HEATR4: variants seen among roughly 807,000 people sequenced by gnomAD.
HEATR4 encodes HEAT repeat-containing protein 4.
A neutral mutation model predicts 108.8 loss-of-function variants in HEATR4; 95 were observed. That is an observed-to-expected ratio of 0.87 (90% CI 0.74 to 1.04). HEATR4 has a LOEUF of 1.04. HEATR4 is among the 50% of genes least tolerant of loss of function. The pLI is 0.00. For missense variants in HEATR4, 1,152 were observed against 1,253.8 expected (o/e 0.92, Z 1.23); for synonymous variants, 443 against 459.4 (o/e 0.96, Z 0.46).
At chr14:73,560,354 C>G (rs955240709), upstream of HEATR4, among the ~76,000 whole-genome samples, 2 of 151,998 alleles carry the variant, frequency 1.3e-5, no homozygotes, top group African/African-American at 2.4e-5. Flanking sequence ...GCAGAGGGTA[C>G]GTTTTCTGTT....
At chr14:73,498,413 T>C (rs905335628) in intron 13 of HEATR4, 69 bp from the exon 14 acceptor site, 11 of 1,405,544 alleles carry the variant, frequency 7.8e-6, no homozygotes, top group African/African-American at 2.9e-5. Flanking sequence ...CAGAAATAAA[T>C]TGAGTTTTGC....
Position 73,542,961 on chromosome 14 carries a change from G to A in HEATR4, c.-151-12717C>T. On this transcript the variant is annotated intron_variant, in intron 1 of 17. Coordinates refer to ENST00000553558, the MANE Select transcript of HEATR4 (RefSeq NM_001220484.1). The stretch of plus-strand genomic sequence containing the variant: ...TGGTAGAACCCAGATTCAGACTCAG[G>A]TTCAACTAACTTCCAGGGTGGGCAC... 2.5e-6 allele frequency: 3 copies of A among 1,192,850 alleles called. 1 individual carries two copies. Among genetic ancestry groups the A allele is most frequent in the Non-Finnish European group, 3.3e-6 (3 of 899,040 alleles). The allele number at this position is 1,192,850 out of a possible 1,614,324, so 73.9% of individuals were successfully genotyped here. A position where few individuals can be genotyped will look rare whatever the true frequency, so the allele number is the denominator to read the frequency against.
chr14:73,516,929 C>T (rs1294118417), intron 5 of HEATR4, among the ~76,000 whole-genome samples: 4 of 152,306 alleles, frequency 2.6e-5, no homozygotes, highest in Non-Finnish European at 2.9e-5. Context: ...TCCACGAAAC[C>T]GGTCCCTGGT....
chr14:73,561,827 A>T (rs1009053680), upstream of HEATR4, among the ~76,000 whole-genome samples: 6 of 151,916 alleles, frequency 3.9e-5, no homozygotes, highest in Non-Finnish European at 8.8e-5. Context: ...TCTACAAAAA[A>T]CTTAAAAAGT....
chr14:73,622,194 G>A, the HEATR4 span, among the ~76,000 whole-genome samples: 3 of 152,044 alleles, frequency 2.0e-5, no homozygotes, highest in African/African-American at 4.8e-5. Flanking sequence ...AAGTGGCAGG[G>A]AGGATGAGAA....
the HEATR4 span, among the ~76,000 whole-genome samples, chr14:73,624,373 C>A: frequency 1.1e-4 from 16 of 152,114 alleles, no homozygotes; most frequent in Admixed American, 4.6e-4. Context: ...AGGTGATCCA[C>A]CTGCCTCGGG....
Position 73,522,964 on chromosome 14 carries a change from A to T in HEATR4, c.189T>A (p.Tyr63Ter), listed in dbSNP as rs917689041. The change falls in exon 3 of 18, where the codon TAT becomes TAA. Residue 63 changes from tyrosine to a stop codon, truncating the protein, a stop_gained. Transcript: ENST00000553558. LOFTEE classifies it high-confidence loss of function. ...TAAGGTTTGCAGCAGCCATTTTCAA[A>T]TATTGGCTCTTGCGGTGTAGACGGT... ...SQYRLHRKSQ[Y>*]LKMAAANLTF... 2.5e-6 allele frequency: 4 copies of T among 1,614,094 alleles called. No individual in the cohort carries two copies. The highest frequency in any genetic ancestry group is 2.5e-6 in the Non-Finnish European group (3 of 1,180,058).
chr14:73,551,516 C>T lies in HEATR4; in HGVS notation c.-152+7235G>A, dbSNP rs1231127328. On this transcript the variant is annotated intron_variant, in intron 1 of 17. Coordinates refer to ENST00000553558, the MANE Select transcript of HEATR4 (RefSeq NM_001220484.1). The stretch of plus-strand genomic sequence containing the variant: ...CTTCCTGGGCACGTGCATTAAGAGA[C>T]AAAATGGCAGGCCAGGCGCGGTGGC... Among the ~76,000 whole-genome samples, 23 of 114,138 alleles carry T rather than the reference C, an allele frequency of 2.0e-4. 4 individuals carry two copies. The highest frequency in any genetic ancestry group is 5.4e-4 in the African/African-American group (19 of 35,194). 74.9% of individuals were successfully genotyped at this position (114,138 alleles called of 152,430 possible). A position where few individuals can be genotyped will look rare whatever the true frequency, so the allele number is the denominator to read the frequency against.
chr14:73,537,927 G>A, intron 1 of HEATR4: 1 of 1,136,704 alleles, frequency 8.8e-7, no homozygotes, highest in Non-Finnish European at 1.1e-6. Context: ...CTGTTCCTGC[G>A]CTTTCCACTG....
chr14:73,509,340 C>T lies in HEATR4; in HGVS notation c.1692G>A (p.Arg564=). 6.2e-7 allele frequency: 1 copy of T among 1,614,102 alleles called. No individual in the cohort carries two copies. Among genetic ancestry groups the T allele is most frequent in the South Asian group, 1.1e-5 (1 of 91,072 alleles). ...TCAGAAGGGCAGTCTGCATGATGTT[C>T]CGGGCAAGGGGATTATGTGACTGTA... ...YAIQSHNPLA[R]NIMQTALLKG... is the part of the protein sequence containing the mutation. The change falls in exon 8 of 18, where the codon CGG becomes CGA. Residue 564 remains arginine (R), a synonymous_variant. Transcript: ENST00000553558.
chr14:73,489,429 G>T (rs1885585180), intron 17 of HEATR4, among the ~76,000 whole-genome samples: 1 of 152,172 alleles, frequency 6.6e-6, no homozygotes, highest in Non-Finnish European at 1.5e-5. Flanking sequence ...AACAGAGAAA[G>T]GTCCTAGAGG....
chr14:73,544,590 CATT>C lies in HEATR4; in HGVS notation c.-152+14158_-152+14160del, dbSNP rs1229566288. ...TTAATTGTTTCAAAAGCTGATAAAA[CATT>C]ATTGAGATGAATTACATAAGCGATT... On this transcript the variant is annotated intron_variant, in intron 1 of 17. Transcript: ENST00000553558. 2.6e-5 allele frequency among the ~76,000 whole-genome samples: 3 copies of C among 115,572 alleles called. 1 individual carries two copies. The highest frequency in any genetic ancestry group is 8.4e-5 in the African/African-American group (3 of 35,554). 75.8% of individuals were successfully genotyped at this position (115,572 alleles called of 152,430 possible).
At position 73,500,425 on chromosome 14, in the gene HEATR4, C is replaced by A. The variant is rs559824325; in HGVS notation, c.2286+125G>T. The A allele has an allele frequency of 2.6e-5, 27 of 1,044,314 alleles. No individual in the cohort carries two copies. Among genetic ancestry groups the A allele is most frequent in the Non-Finnish European group, 3.5e-5 (25 of 722,928 alleles). 64.7% of individuals were successfully genotyped at this position (1,044,314 alleles called of 1,614,324 possible). On this transcript the variant is annotated intron_variant, in intron 12 of 17. Coordinates refer to ENST00000553558, the MANE Select transcript of HEATR4 (RefSeq NM_001220484.1). ...CCTGTTTGAAGTGGCTTATACACCC[C>A]CTTCCCAGTTCCAATCTCTCATTCT...
At chr14:73,574,541 G>A in the HEATR4 span, 1 of 407,332 alleles carries the variant, frequency 2.5e-6, no homozygotes, top group East Asian at 5.5e-5. Context: ...GGGATTACAG[G>A]CGTCAGCCAC....
intron 17 of HEATR4, among the ~76,000 whole-genome samples, chr14:73,487,655 C>T (rs1050590175): frequency 8.6e-5 from 13 of 151,930 alleles, no homozygotes; most frequent in African/African-American, 2.7e-4. Context: ...AAATGCAAGA[C>T]GGGATAGAAA....
chr14:73,613,211 C>G, the HEATR4 span, among the ~76,000 whole-genome samples: 26 of 152,296 alleles, frequency 1.7e-4, no homozygotes, highest in African/African-American at 6.3e-4. Context: ...GATCGTAGCT[C>G]ACACTGCAGC....
intron 16 of HEATR4, chr14:73,493,356 A>G: frequency 2.1e-6 from 1 of 481,542 alleles, no homozygotes; most frequent in Non-Finnish European, 3.8e-6. Context: ...TTAAATTTGT[A>G]TGAACCTTAG....
At chr14:73,589,652 TA>T in the HEATR4 span, among the ~76,000 whole-genome samples, 1 of 152,274 alleles carries the variant, frequency 6.6e-6, no homozygotes, top group African/African-American at 2.4e-5. Context: ...TTTTTTTAAG[TA>T]AACTGACATG....
chr14:73,514,066 CT>C lies in HEATR4; in HGVS notation c.1378del (p.Arg460GlyfsTer3). Reference protein sequence around the residue: ...DVTWELVVLRRMLKEWKTAWA... With the variant: ...DVTWELVVLRXMLKEWKTAWA... Reference sequence around the variant, plus strand: ...GGCAGTCTTCCATTCCTTCAGCATCCTCCGCAGGACCACCAGTTCCCAGGTC... The same window carrying C: ...GGCAGTCTTCCATTCCTTCAGCATCCCCGCAGGACCACCAGTTCCCAGGTC... On this transcript the variant is annotated frameshift_variant, in exon 6 of 18. Coordinates refer to ENST00000553558, the MANE Select transcript of HEATR4 (RefSeq NM_001220484.1). LOFTEE classifies it high-confidence loss of function. 4.3e-6 allele frequency: 7 copies of C among 1,614,200 alleles called. No individual in the cohort carries two copies. Among genetic ancestry groups the C allele is most frequent in the Non-Finnish European group, 5.9e-6 (7 of 1,180,024 alleles).
Sources: gnomAD v4.1 joint callset for allele counts (sites outside exome capture counted in the v4.1 genomes callset) on GRCh38, gnomAD v4.1.1 for gene constraint, MANE v1.5 for transcripts, NCBI Gene and HGNC (gene_info 2026-07-23, HGNC 2026-07-21) for gene names.